The following SULF1 variants were observed in gnomAD, a reference collection of about 807,000 sequenced individuals.
SULF1 encodes sulfatase 1.
SULF1 carries 46 observed loss-of-function variants against 110.5 expected under a neutral mutation model. The ratio of observed to expected loss-of-function variants is 0.42; its 90% CI spans 0.33 to 0.53. SULF1 has a LOEUF of 0.53. Ranked by LOEUF, SULF1 falls within the 20% of genes least tolerant of loss-of-function variation. SULF1 has a pLI of 0.12. For missense variants in SULF1, 941 were observed against 1,094.2 expected, an observed-to-expected ratio of 0.86 and a Z score of 1.98; for synonymous variants, 371 against 387.1, an observed-to-expected ratio of 0.96 and a Z score of 0.49.
intron 8 of SULF1, among the ~76,000 whole-genome samples, chr8:69,593,266 A>G (rs1807039086): frequency 6.6e-6 from 1 of 152,228 alleles, no homozygotes; most frequent in South Asian, 2.1e-4. Flanking sequence ...TGCCGATGGT[A>G]GTGCATGGAA....
intron 22 of SULF1, among the ~76,000 whole-genome samples, chr8:69,654,736 C>G (rs1467506880): frequency 1.3e-5 from 2 of 152,224 alleles, no homozygotes; most frequent in African/African-American, 4.8e-5. Flanking sequence ...GTGGGGGACA[C>G]TCCCTTAGCC....
At position 69,642,391 on chromosome 8, in the gene SULF1, A is replaced by G. The variant is rs560105703; in HGVS notation, c.2585+1550A>G. On this transcript the variant is annotated intron_variant, in intron 22 of 22. Transcript: ENST00000402687. The stretch of plus-strand genomic sequence containing the variant: ...GAAGGTGGACTTTTGGGTATATGTT[A>G]TAGCCATGTATGTATGTCTTCTTTT... 13 of 987,214 alleles carry G rather than the reference A, an allele frequency of 1.3e-5. No individual in the cohort carries two copies. In the Middle Eastern group the frequency reaches 1.4e-3, roughly 107 times the overall value. The allele number at this position is 987,214 out of a possible 1,614,324, so 61.2% of individuals were successfully genotyped here.
chr8:69,516,441 A>C lies in SULF1; in HGVS notation c.-134+14473A>C, dbSNP rs1343910342. Among the ~76,000 whole-genome samples, 4 of 152,048 alleles carry C rather than the reference A, an allele frequency of 2.6e-5. No individual in the cohort carries two copies. The East Asian group carries it at 7.7e-4, about 29-fold the overall frequency. ...TACTCACTATTATGAGAACAACAAG[A>C]GGGAAATCCACCCCCATGATCAAAT... On this transcript the variant is annotated intron_variant, in intron 3 of 22. Transcript: ENST00000402687.
At chr8:69,569,941 T>A (rs978099656) in intron 5 of SULF1, among the ~76,000 whole-genome samples, 3 of 152,202 alleles carry the variant, frequency 2.0e-5, no homozygotes, top group Non-Finnish European at 4.4e-5. Context: ...AATTTTGTTA[T>A]TTTTTATATG....
At chr8:69,552,112 T>TA (rs1814764039) in intron 3 of SULF1, among the ~76,000 whole-genome samples, 1 of 152,162 alleles carries the variant, frequency 6.6e-6, no homozygotes, top group Non-Finnish European at 1.5e-5. Context: ...AGCAATTTTA[T>TA]AGGTCTCATC....
chr8:69,516,090 A>G (rs1425300184), intron 3 of SULF1, among the ~76,000 whole-genome samples: 1 of 152,186 alleles, frequency 6.6e-6, no homozygotes. Flanking sequence ...CCCAGTTCCA[A>G]AGTCACTTCC....
intron 6 of SULF1, 137 bp downstream of exon 6, chr8:69,576,346 T>C: frequency 1.0e-6 from 1 of 967,728 alleles, no homozygotes; most frequent in South Asian, 1.7e-5. Flanking sequence ...GCTTGACATC[T>C]ACCCCAGGGT....
At position 69,659,380 on chromosome 8, in the gene SULF1, A is replaced by G; in HGVS notation, c.*845A>G. On this transcript the variant is annotated 3_prime_UTR_variant, in exon 23 of 23. Coordinates refer to ENST00000402687, the MANE Select transcript of SULF1 (RefSeq NM_001128205.2). Reference sequence around the variant, plus strand: ...TTCTTTTTAACTTTTTTATTTGTAAACTAATAAAGGTAATCACAGCCACCA... The same window carrying G: ...TTCTTTTTAACTTTTTTATTTGTAAGCTAATAAAGGTAATCACAGCCACCA... The G allele has an allele frequency of 5.6e-6, 2 of 358,028 alleles. No individual in the cohort carries two copies. Among genetic ancestry groups the G allele is most frequent in the Non-Finnish European group, 1.1e-5 (2 of 181,570 alleles). 22.2% of individuals were successfully genotyped at this position (358,028 alleles called of 1,614,324 possible). A position where few individuals can be genotyped will look rare whatever the true frequency, so the allele number is the denominator to read the frequency against.
chr8:69,593,939 G>T (rs1807094312), intron 8 of SULF1, among the ~76,000 whole-genome samples: 1 of 152,192 alleles, frequency 6.6e-6, no homozygotes, highest in South Asian at 2.1e-4. Context: ...AGCCGTGACA[G>T]GGAAGGAGAT....
chr8:69,601,742 G>C lies in SULF1; in HGVS notation c.974G>C (p.Gly325Ala). The stretch of plus-strand genomic sequence containing the variant: ...CATGGTTACCATATTGGGCAGTTTG[G>C]ACTGGTCAAGGGGAAATCCATGCCA... ...ADHGYHIGQF[G>A]LVKGKSMPYD... Residue 325 changes from glycine (G) to alanine (A), a missense_variant, in exon 10 of 23, where the codon GGA becomes GCA. Transcript: ENST00000402687. The C allele has an allele frequency of 1.2e-6, 2 of 1,613,818 alleles. No homozygotes were observed. Among genetic ancestry groups the C allele is most frequent in the East Asian group, 2.2e-5 (1 of 44,866 alleles).
intron 3 of SULF1, among the ~76,000 whole-genome samples, chr8:69,558,185 T>C (rs898940397): frequency 6.6e-6 from 1 of 152,194 alleles, no homozygotes. Flanking sequence ...GAAAGGGCCA[T>C]GTTAACTGAT....
At position 69,532,972 on chromosome 8, in the gene SULF1, A is replaced by G. The variant is rs182890887; in HGVS notation, c.-133-30567A>G. Among the ~76,000 whole-genome samples, 243 of 152,354 alleles carry G rather than the reference A, an allele frequency of 1.6e-3. 1 individual carries two copies. Among genetic ancestry groups the G allele is most frequent in the African/African-American group, 5.6e-3 (231 of 41,578 alleles). On this transcript the variant is annotated intron_variant, in intron 3 of 22. Coordinates refer to ENST00000402687, the MANE Select transcript of SULF1 (RefSeq NM_001128205.2). The stretch of plus-strand genomic sequence containing the variant: ...GGATACAAATAAGATTTAGATGTAC[A>G]AATTGACTAATCTGGATGTACTAAT...
intron 13 of SULF1, among the ~76,000 whole-genome samples, chr8:69,610,027 T>TTTACA (rs1808520749): frequency 6.6e-6 from 1 of 152,244 alleles, no homozygotes; most frequent in Admixed American, 6.5e-5. Flanking sequence ...TGAAATACAC[T>TTTACA]TTACATATTA....
rs1230301011 is a variant in SULF1 at position 69,629,607 on chromosome 8, G to C, written c.2212G>C (p.Glu738Gln). 1.2e-6 allele frequency: 2 copies of C among 1,613,978 alleles called. No individual in the cohort carries two copies. Among genetic ancestry groups the C allele is most frequent in the Non-Finnish European group, 1.7e-6 (2 of 1,179,902 alleles). Residue 738 changes from glutamate to glutamine, a missense_variant, in exon 19 of 23, where the codon GAG (glutamate) becomes CAG (glutamine). Physicochemically the swap from Glu to Gln is conservative, Grantham distance 29. This residue lies in a region of SULF1 where 822 missense variants were observed against 934.3 expected (regional missense o/e 0.88). Coordinates refer to ENST00000402687, the MANE Select transcript of SULF1 (RefSeq NM_001128205.2). The stretch of plus-strand genomic sequence containing the variant: ...GAAGAGACGGCAGAGGAAGGGGGAA[G>C]AGTGCAGCCTGCCTGGCCTCACTTG... ...KEKRRQRKGE[E>Q]CSLPGLTCFT... is the part of the protein sequence containing the mutation.
intron 22 of SULF1, among the ~76,000 whole-genome samples, chr8:69,645,362 A>C (rs752286336): frequency 6.6e-6 from 1 of 152,108 alleles, no homozygotes; most frequent in Non-Finnish European, 1.5e-5. Context: ...ACTCCTTAAG[A>C]TCCTCCCCAG....
At chr8:69,559,661 A>G (rs1463920545) in intron 3 of SULF1, among the ~76,000 whole-genome samples, 2 of 152,152 alleles carry the variant, frequency 1.3e-5, no homozygotes, top group East Asian at 3.8e-4. Flanking sequence ...GTAGTGTTTC[A>G]TTTTTTGTTT....
chr8:69,550,766 T>C (rs1814653906), intron 3 of SULF1, among the ~76,000 whole-genome samples: 1 of 152,196 alleles, frequency 6.6e-6, no homozygotes, highest in Non-Finnish European at 1.5e-5. Context: ...AATTTGGGGT[T>C]GCTGTGATAA....
intron 3 of SULF1, among the ~76,000 whole-genome samples, chr8:69,502,292 C>T (rs980390419): frequency 3.3e-5 from 5 of 152,188 alleles, no homozygotes; most frequent in Non-Finnish European, 5.9e-5. Flanking sequence ...AATTAGGGGG[C>T]AGTGTGGTAG....
chr8:69,655,388 G>T (rs535551407), intron 22 of SULF1, among the ~76,000 whole-genome samples: 1 of 152,176 alleles, frequency 6.6e-6, no homozygotes, highest in African/African-American at 2.4e-5. Flanking sequence ...GATGGTGCCC[G>T]TAATACTCCA....
Sources: gnomAD v4.1 joint callset for allele counts (sites outside exome capture counted in the v4.1 genomes callset) on GRCh38, gnomAD v4.1.1 for gene constraint, gnomAD v4.1.1 regional missense constraint, MANE v1.5 for transcripts, NCBI Gene and HGNC (gene_info 2026-07-23, HGNC 2026-07-21) for gene names.